PEPD: variants seen among roughly 807,000 people sequenced by gnomAD.
PEPD encodes peptidase D.
In PEPD, 53 loss-of-function variants were observed where a neutral mutation model predicts 60.7. The ratio of observed to expected loss-of-function variants is 0.87; its 90% CI spans 0.70 to 1.10. The LOEUF is 1.10. Among genes scored for constraint, PEPD ranks in the 50% least tolerant of loss-of-function variants. The pLI, the probability that PEPD is intolerant of heterozygous loss-of-function variation, is 0.00. For synonymous variants in PEPD, 267 were observed against 284.1 expected (o/e 0.94, Z 0.60); for missense variants, 711 against 711.9 (o/e 1.00, Z 0.01).
intron 1 of PEPD, among the ~76,000 whole-genome samples, chr19:33,515,801 C>G (rs1369983272): frequency 9.9e-5 from 15 of 152,200 alleles, no homozygotes; most frequent in Admixed American, 5.9e-4. Context: ...CCTGGCCACA[C>G]TCCTTAATCA....
chr19:33,439,306 G>A (rs1478661307), intron 9 of PEPD, among the ~76,000 whole-genome samples: 2 of 152,238 alleles, frequency 1.3e-5, no homozygotes, highest in Non-Finnish European at 2.9e-5. Context: ...CCTCTGGGCT[G>A]GGCACCTGAG....
chr19:33,461,869 G>C (rs78846611), intron 9 of PEPD, among the ~76,000 whole-genome samples: 1,702 of 152,348 alleles, frequency 0.011, 26 homozygotes, highest in South Asian at 0.071. Flanking sequence ...TGATTAACGT[G>C]TGTTACACGG....
In PEPD at chr19:33,401,829, C is replaced by T. The variant is rs201584435; in HGVS notation, c.859G>A (p.Asp287Asn). The T allele has an allele frequency of 1.3e-4, 211 of 1,613,098 alleles. 1 individual carries two copies. Among genetic ancestry groups the T allele is most frequent in the Non-Finnish European group, 1.6e-4 (185 of 1,179,942 alleles). Residue 287 changes from aspartate to asparagine, a missense_variant, in exon 12 of 15, where the codon GAC (aspartate) becomes AAC (asparagine). Physicochemically the swap from Asp to Asn is conservative, Grantham distance 23 (BLOSUM62 1). Coordinates refer to ENST00000244137, the MANE Select transcript of PEPD (RefSeq NM_000285.4). ...MGGEYYCFAS[D>N]ITCSFPANGK... ...TTGGCGGGAAAGGAGCAGGTGATGT[C>T]GGAAGCGAAGCAGTAATACTCACCG...
chr19:33,497,039 C>T (rs1970620967), intron 4 of PEPD, among the ~76,000 whole-genome samples: 1 of 152,286 alleles, frequency 6.6e-6, no homozygotes, highest in African/African-American at 2.4e-5. Flanking sequence ...TGGCATTCTC[C>T]TCCAACAGTA....
intron 9 of PEPD, among the ~76,000 whole-genome samples, chr19:33,422,107 C>T (rs944996220): frequency 4.6e-5 from 7 of 152,110 alleles, no homozygotes; most frequent in African/African-American, 1.2e-4. Context: ...TCTTCTTAGT[C>T]GAACTCCGCG....
intron 4 of PEPD, 61 bp downstream of exon 4, chr19:33,500,877 T>C: frequency 1.1e-6 from 1 of 941,408 alleles, no homozygotes; most frequent in South Asian, 1.3e-5. Flanking sequence ...GGAGAGGAAC[T>C]CCAGGAGTGG....
chr19:33,412,487 G>A (rs914828505), intron 10 of PEPD, among the ~76,000 whole-genome samples: 3 of 152,154 alleles, frequency 2.0e-5, no homozygotes, highest in Admixed American at 6.5e-5. Flanking sequence ...CTGCCCTGGC[G>A]TCCTGACCAG....
At chr19:33,390,532 GGGCCC>G (rs1195284239) in intron 13 of PEPD, among the ~76,000 whole-genome samples, 1 of 152,240 alleles carries the variant, frequency 6.6e-6, no homozygotes, top group East Asian at 1.9e-4. Flanking sequence ...ACTGGCTGGG[GGGCCC>G]CAGGGCGTGC....
Position 33,387,163 on chromosome 19 carries a change from G to T in PEPD, c.*181C>A, listed in dbSNP as rs1375592568. ...AGATTAAAGGTGGGAGCCTGCAAAAGGGTAATTAAAAAAGTGTTTCCTCCC... is the reference window on the plus strand; with the variant it reads ...AGATTAAAGGTGGGAGCCTGCAAAATGGTAATTAAAAAAGTGTTTCCTCCC... On this transcript the variant is annotated 3_prime_UTR_variant, in exon 15 of 15. Transcript: ENST00000244137. 6.4e-6 allele frequency: 4 copies of T among 622,154 alleles called. No individual in the cohort carries two copies. In the African/African-American group the frequency reaches 7.3e-5, roughly 11 times the overall value. 38.5% of individuals were successfully genotyped at this position (622,154 alleles called of 1,614,324 possible). A position where few individuals can be genotyped will look rare whatever the true frequency, so the allele number is the denominator to read the frequency against.
chr19:33,461,579 CAGTT>C (rs1969926994), intron 9 of PEPD, among the ~76,000 whole-genome samples: 1 of 152,204 alleles, frequency 6.6e-6, no homozygotes, highest in African/African-American at 2.4e-5. Context: ...CCCAATTTCT[CAGTT>C]ATTTTTATTT....
intron 6 of PEPD, among the ~76,000 whole-genome samples, chr19:33,486,313 A>C (rs1970396454): frequency 1.0e-5 from 1 of 100,028 alleles, no homozygotes. Context: ...CCCCATGCCC[A>C]CACCCACCCC....
intron 13 of PEPD, chr19:33,389,152 G>GC (rs1485693372): frequency 6.6e-6 from 1 of 152,324 alleles, no homozygotes; most frequent in Non-Finnish European, 1.5e-5. Context: ...CGGCCTCCAC[G>GC]CTGGGCACGG....
chr19:33,521,255 G>A (rs535012817), intron 1 of PEPD, among the ~76,000 whole-genome samples: 5 of 152,380 alleles, frequency 3.3e-5, no homozygotes, highest in South Asian at 4.1e-4. Flanking sequence ...AGGTGATGAT[G>A]AGGGCACAAA....
intron 9 of PEPD, among the ~76,000 whole-genome samples, chr19:33,421,842 T>A (rs1195736783): frequency 6.6e-6 from 1 of 152,106 alleles, no homozygotes; most frequent in African/African-American, 2.4e-5. Flanking sequence ...TGACCACTTC[T>A]CCGCACCACC....
chr19:33,463,006 A>G lies in PEPD; in HGVS notation c.660T>C (p.Tyr220=), dbSNP rs3745969. The G allele has an allele frequency of 0.036, 58,165 of 1,596,230 alleles. 1,478 individuals carry two copies. The highest frequency in any genetic ancestry group is 0.083 in the East Asian group (3,734 of 44,816). ...ACATGGTGGCTTACCTTTCCAACTC[A>G]TATTCTTTCATTCCCACTTTTACAG... ...MKAVKVGMKE[Y]ELESLFEHYC... is the part of the protein sequence containing the mutation. Residue 220 remains tyrosine, a synonymous_variant, in exon 9 of 15, where the codon TAT becomes TAC. Transcript: ENST00000244137.
chr19:33,512,271 T>C (rs77793940), intron 2 of PEPD, among the ~76,000 whole-genome samples: 7,305 of 152,246 alleles, frequency 0.048, 292 homozygotes, highest in Non-Finnish European at 0.08. Context: ...CTAAGATGTG[T>C]GAAAGTGGGC....
chr19:33,512,846 G>A (rs1156754936), intron 1 of PEPD, 70 bp from the exon 2 acceptor site: 6 of 1,567,700 alleles, frequency 3.8e-6, no homozygotes, highest in East Asian at 4.5e-5. Flanking sequence ...CACACCTGAG[G>A]TCGGGGTGAC....
chr19:33,450,475 G>A (rs1479700123), intron 9 of PEPD, among the ~76,000 whole-genome samples: 1 of 152,218 alleles, frequency 6.6e-6, no homozygotes, highest in Non-Finnish European at 1.5e-5. Flanking sequence ...AGGAGGGAAT[G>A]GTTTTATGGA....
At chr19:33,409,041 C>T (rs371117246) in intron 11 of PEPD, among the ~76,000 whole-genome samples, 26 of 152,372 alleles carry the variant, frequency 1.7e-4, no homozygotes, top group African/African-American at 2.9e-4. Flanking sequence ...TTAACATCCT[C>T]GGATCACTCC....
Sources: gnomAD v4.1 joint callset for allele counts (sites outside exome capture counted in the v4.1 genomes callset) on GRCh38, gnomAD v4.1.1 for gene constraint, MANE v1.5 for transcripts, NCBI Gene and HGNC (gene_info 2026-07-23, HGNC 2026-07-21) for gene names.